PJA2: variants seen among roughly 807,000 people sequenced by gnomAD.
PJA2 encodes the protein E3 ubiquitin-protein ligase Praja-2.
A neutral mutation model predicts 69.3 loss-of-function variants in PJA2; 25 were observed. The ratio of observed to expected loss-of-function variants is 0.36; its 90% CI spans 0.26 to 0.50. PJA2 has a LOEUF of 0.50. PJA2 is among the 20% of genes least tolerant of loss of function. PJA2 has a pLI of 0.96. For missense variants in PJA2, 809 were observed against 830.2 expected (o/e 0.97, Z 0.31); for synonymous variants, 308 against 277.8 (o/e 1.11, Z -1.08).
chr5:109,362,735 TG>T, intron 6 of PJA2, 104 bp downstream of exon 6: 1 of 1,195,044 alleles, frequency 8.4e-7, no homozygotes, highest in South Asian at 1.8e-5. Context: ...GACTAACAGA[TG>T]GGAAAATTAT....
chr5:109,343,213 C>A (rs529482216), intron 9 of PJA2, among the ~76,000 whole-genome samples: 2,790 of 114,720 alleles, frequency 0.024, 31 homozygotes, highest in Non-Finnish European at 0.035. Flanking sequence ...TTACCCCCAA[C>A]CCTGTGCTCT....
chr5:109,345,083 C>G (rs1205601246), intron 7 of PJA2, among the ~76,000 whole-genome samples: 1 of 150,500 alleles, frequency 6.6e-6, no homozygotes, highest in Non-Finnish European at 1.5e-5. Context: ...TGGCTCATGC[C>G]TGTAATCCCA....
chr5:109,349,067 T>C (rs1418689300), intron 7 of PJA2, among the ~76,000 whole-genome samples: 2 of 152,234 alleles, frequency 1.3e-5, no homozygotes. Context: ...ACTAGCCATC[T>C]GCTCATTCTG....
At chr5:109,353,472 T>A (rs907181993) in intron 7 of PJA2, among the ~76,000 whole-genome samples, 4 of 108,562 alleles carry the variant, frequency 3.7e-5, no homozygotes, top group Admixed American at 1.0e-4. Context: ...CCTATATCTA[T>A]AGATATCTAA....
At chr5:109,389,015 C>A (rs1285004787) in intron 1 of PJA2, among the ~76,000 whole-genome samples, 1 of 152,090 alleles carries the variant, frequency 6.6e-6, no homozygotes, top group African/African-American at 2.4e-5. Flanking sequence ...TTTACATTCC[C>A]CAAACAAATC....
In PJA2 at chr5:109,378,455, T is replaced by C; in HGVS notation, c.1032A>G (p.Gln344=). 1.9e-6 allele frequency: 3 copies of C among 1,614,164 alleles called. No homozygotes were observed. The highest frequency in any genetic ancestry group is 2.5e-6 in the Non-Finnish European group (3 of 1,180,008). Residue 344 remains glutamine, a synonymous_variant, in exon 4 of 10, where the codon CAA becomes CAG. Transcript: ENST00000361189. ...CAACTTCCAAAGCCTCTCTCCATCT[T>C]TGAACACTTCTTTGTTTCGCCTCAT... ...NRHEAKQRSV[Q]RWREALEVEE...
At chr5:109,391,239 G>T (rs1312953693) in intron 1 of PJA2, among the ~76,000 whole-genome samples, 2 of 152,064 alleles carry the variant, frequency 1.3e-5, no homozygotes, top group Non-Finnish European at 2.9e-5. Context: ...CACCCTACAT[G>T]TAAGCCCCAC....
Position 109,352,884 on chromosome 5 carries a change from T to TACA in PJA2, c.1764+3030_1764+3031insTGT, listed in dbSNP as rs1345095315. Among the ~76,000 whole-genome samples the TACA allele has an allele frequency of 6.7e-5, 10 of 149,562 alleles. No homozygotes were observed. The Admixed American group carries it at 6.7e-4, about 10-fold the overall frequency. ...CATAGACATCTATATATTAGATATC[T>TACA]ATATCTATAGACATCTATATATTAG... is the stretch of plus-strand genomic sequence containing the variant. On this transcript the variant is annotated intron_variant, in intron 7 of 9. Transcript: ENST00000361189.
intron 7 of PJA2, among the ~76,000 whole-genome samples, chr5:109,354,505 T>G (rs1561346507): frequency 2.3e-5 from 1 of 43,942 alleles, no homozygotes; most frequent in African/African-American, 1.2e-4. Context: ...ATATCATAGA[T>G]ATCTATATCG....
intron 1 of PJA2, among the ~76,000 whole-genome samples, chr5:109,399,457 C>G (rs890965738): frequency 6.6e-6 from 1 of 152,164 alleles, no homozygotes; most frequent in African/African-American, 2.4e-5. Context: ...ACAGAGAAAG[C>G]TGAAAGTTGA....
intron 1 of PJA2, among the ~76,000 whole-genome samples, chr5:109,406,914 G>A (rs1303834120): frequency 2.0e-5 from 3 of 152,120 alleles, no homozygotes; most frequent in Non-Finnish European, 4.4e-5. Flanking sequence ...AACATGCCAA[G>A]AGAAAAAGCC....
chr5:109,336,623 G>A lies in PJA2; in HGVS notation c.*608C>T, dbSNP rs1163773792. On this transcript the variant is annotated 3_prime_UTR_variant, in exon 10 of 10. Coordinates refer to ENST00000361189, the MANE Select transcript of PJA2 (RefSeq NM_014819.5). ...TTTTACTACCTAACTTTATTTCAGG[G>A]GGAGTTACGTCTACGATTTAAAACT... The A allele has an allele frequency of 6.6e-6, 1 of 151,948 alleles. No homozygotes were observed. The highest frequency in any genetic ancestry group is 6.6e-5 in the Admixed American group (1 of 15,248). The allele number at this position is 151,948 out of a possible 1,614,324, so 9.4% of individuals were successfully genotyped here.
chr5:109,393,433 AAACCTGAACATATGCATATGATATGGTT>A (rs1255070098), intron 1 of PJA2, among the ~76,000 whole-genome samples: 19 of 152,220 alleles, frequency 1.2e-4, no homozygotes, highest in African/African-American at 4.3e-4. Flanking sequence ...AGCACCTAGT[AAACCTGAACATATGCATATGATATGGTT>A]AAGCAGTCCA....
intron 1 of PJA2, among the ~76,000 whole-genome samples, chr5:109,388,940 G>A (rs563824155): frequency 2.3e-4 from 35 of 152,184 alleles, no homozygotes; most frequent in African/African-American, 7.7e-4. Context: ...TATAAATTAA[G>A]AACTACAAAC....
At chr5:109,409,473 G>C (rs1234367481) in intron 1 of PJA2, among the ~76,000 whole-genome samples, 3 of 152,214 alleles carry the variant, frequency 2.0e-5, no homozygotes, top group African/African-American at 2.4e-5. Flanking sequence ...ACAGTGGCGA[G>C]TGTAGGGGAA....
intron 7 of PJA2, among the ~76,000 whole-genome samples, chr5:109,354,620 C>T (rs1006817375): frequency 6.5e-5 from 9 of 138,102 alleles, no homozygotes; most frequent in Admixed American, 2.9e-4. Context: ...TAATATCTAT[C>T]GATATTAGAT....
intron 1 of PJA2, among the ~76,000 whole-genome samples, chr5:109,392,657 A>C (rs934127712): frequency 3.9e-5 from 6 of 152,096 alleles, no homozygotes; most frequent in African/African-American, 1.4e-4. Context: ...TTCAACAGCC[A>C]CATGTGGCTA....
At chr5:109,338,482 T>G (rs1761984657) in intron 9 of PJA2, among the ~76,000 whole-genome samples, 1 of 151,470 alleles carries the variant, frequency 6.6e-6, no homozygotes, top group Admixed American at 6.6e-5. Context: ...TGTACTAAAA[T>G]ACAAAAAATT....
At position 109,378,715 on chromosome 5, in the gene PJA2, T is replaced by G; in HGVS notation, c.772A>C (p.Arg258=). ...FVHQNSQEIQ[R]SSQDEMVSTK... ...CTAACCATTTCATCTTGAGAAGACC[T>G]CTGAATTTCCTGGCTATTCTGATGG... The change falls in exon 4 of 10, where the codon AGG becomes CGG. Residue 258 remains arginine (R), a synonymous_variant. Coordinates refer to ENST00000361189, the MANE Select transcript of PJA2 (RefSeq NM_014819.5). 1.2e-6 allele frequency: 2 copies of G among 1,613,382 alleles called. No homozygotes were observed. The highest frequency in any genetic ancestry group is 1.7e-6 in the Non-Finnish European group (2 of 1,180,008).
Sources: allele counts gnomAD v4.1 joint callset (sites outside exome capture counted in the v4.1 genomes callset), GRCh38; gene constraint gnomAD v4.1.1; transcripts MANE v1.5; gene names NCBI Gene and HGNC (gene_info 2026-07-23, HGNC 2026-07-21).